The following FRMPD3 variants were observed in gnomAD, a reference collection of about 807,000 sequenced individuals.
FRMPD3 encodes FERM and PDZ domain-containing protein 3.
Under a neutral mutation model 97.9 loss-of-function variants are expected in FRMPD3, and 42 were observed. The observed-to-expected ratio is 0.43, with a 90% CI of 0.34 to 0.55. FRMPD3 has a LOEUF of 0.55. FRMPD3 is among the 20% of genes least tolerant of loss of function. The pLI is 0.03. For synonymous variants in FRMPD3, 577 were observed against 581.1 expected (o/e 0.99, Z 0.10); for missense variants, 1,303 against 1,457.7 (o/e 0.89, Z 1.73).
intron 1 of FRMPD3, among the ~76,000 whole-genome samples, chrX:107,463,772 AAT>A (rs1344521730): frequency 8.9e-6 from 1 of 112,880 alleles, no homozygotes; most frequent in Non-Finnish European, 1.9e-5. Flanking sequence ...CCTCTGTTAA[AAT>A]GCAAATATGT....
intron 2 of FRMPD3, among the ~76,000 whole-genome samples, chrX:107,528,134 C>T (rs1922775174): frequency 1.8e-5 from 2 of 111,220 alleles, no homozygotes; most frequent in African/African-American, 6.5e-5. Flanking sequence ...AGGCACGAAC[C>T]ACAAAAAGCC....
At chrX:107,563,458 A>G (rs1474296445) in intron 11 of FRMPD3, among the ~76,000 whole-genome samples, 1 of 112,413 alleles carries the variant, frequency 8.9e-6, no homozygotes, top group African/African-American at 3.2e-5. Context: ...ATAAAGGGCC[A>G]GATAGTAAAT....
chrX:107,471,943 C>G (rs1159827581), intron 1 of FRMPD3, among the ~76,000 whole-genome samples: 1 of 112,269 alleles, frequency 8.9e-6, no homozygotes, highest in Non-Finnish European at 1.9e-5. Context: ...CCTATTTCTC[C>G]ACAGCCTTGC....
At chrX:107,484,281 C>G (rs183265346) in intron 1 of FRMPD3, among the ~76,000 whole-genome samples, 78 of 112,535 alleles carry the variant, frequency 6.9e-4, no homozygotes, top group Admixed American at 4.1e-3. Context: ...AAGGGGCCTC[C>G]GGTCAGAACC....
intron 4 of FRMPD3, among the ~76,000 whole-genome samples, chrX:107,544,125 T>A (rs1303573712): frequency 1.8e-5 from 2 of 110,964 alleles, no homozygotes; most frequent in African/African-American, 3.3e-5. Context: ...TAATAATAAT[T>A]ATTATAAGCC....
intron 1 of FRMPD3, among the ~76,000 whole-genome samples, chrX:107,479,442 C>G (rs996585665): frequency 1.8e-5 from 2 of 112,314 alleles, no homozygotes; most frequent in African/African-American, 6.5e-5. Context: ...AAATGTGACT[C>G]ATTCCCTTCA....
At chrX:107,456,057 CTAT>C (rs746552425) in intron 1 of FRMPD3, among the ~76,000 whole-genome samples, 64 of 109,550 alleles carry the variant, frequency 5.8e-4, no homozygotes, top group African/African-American at 1.8e-3. Context: ...TAGTGGATGA[CTAT>C]TATTATTATT....
chrX:107,545,491 G>A, intron 4 of FRMPD3: 1 of 311,781 alleles, frequency 3.2e-6, no homozygotes, highest in Non-Finnish European at 5.6e-6. Flanking sequence ...CCTAGGCCTA[G>A]AGTATTAATA....
intron 1 of FRMPD3, among the ~76,000 whole-genome samples, chrX:107,468,917 A>T (rs911661055): frequency 3.5e-5 from 4 of 112,911 alleles, no homozygotes; most frequent in Non-Finnish European, 7.5e-5. Context: ...AGATGATCTG[A>T]CTATAAAACC....
Position 107,467,552 on chromosome X carries a change from T to A in FRMPD3, c.-8+17547T>A, listed in dbSNP as rs768710522. Reference sequence around the variant, plus strand: ...CATGGAACATCGTGTCTGGCCGATTTCCCCTAGTTTGAATGATTCTAATAC... The same window carrying A: ...CATGGAACATCGTGTCTGGCCGATTACCCCTAGTTTGAATGATTCTAATAC... On this transcript the variant is annotated intron_variant, in intron 1 of 14. Coordinates refer to ENST00000683843, the MANE Select transcript of FRMPD3 (RefSeq NM_001388459.1). Among the ~76,000 whole-genome samples, 4 of 111,837 alleles carry A rather than the reference T, an allele frequency of 3.6e-5. No homozygotes were observed. The South Asian group carries it at 1.5e-3, about 43-fold the overall frequency.
At chrX:107,560,414 T>C in intron 9 of FRMPD3, 21 bp downstream of exon 9, 16 of 1,206,979 alleles carry the variant, frequency 1.3e-5, no homozygotes, top group Non-Finnish European at 1.8e-5. Context: ...CTGCGGCCCG[T>C]TGGGATGGGG....
intron 3 of FRMPD3, among the ~76,000 whole-genome samples, chrX:107,530,811 T>C (rs1253815712): frequency 9.1e-6 from 1 of 110,319 alleles, no homozygotes; most frequent in African/African-American, 3.3e-5. Flanking sequence ...CCCCTTTGTT[T>C]TTTTCCAGCG....
intron 4 of FRMPD3, among the ~76,000 whole-genome samples, chrX:107,534,713 A>G (rs1421323223): frequency 2.7e-5 from 3 of 111,416 alleles, no homozygotes; most frequent in African/African-American, 9.8e-5. Flanking sequence ...ACTGACACAC[A>G]CACACAATAC....
intron 4 of FRMPD3, among the ~76,000 whole-genome samples, chrX:107,538,879 G>A (rs1452549425): frequency 2.7e-5 from 3 of 112,117 alleles, no homozygotes; most frequent in African/African-American, 9.7e-5. Flanking sequence ...GGCTGGTCTC[G>A]AATCCCTGAC....
chrX:107,573,164 C>T (rs187049064), intron 12 of FRMPD3, among the ~76,000 whole-genome samples: 22 of 111,526 alleles, frequency 2.0e-4, no homozygotes, highest in East Asian at 2.8e-4. Flanking sequence ...ACTGAGAAGC[C>T]GAGAGGCTCA....
At chrX:107,591,356 C>T (rs1456075184) in intron 13 of FRMPD3, among the ~76,000 whole-genome samples, 1 of 110,984 alleles carries the variant, frequency 9.0e-6, no homozygotes, top group Non-Finnish European at 1.9e-5. Flanking sequence ...GAGGTTTCAC[C>T]CTGTTGGTTG....
rs1368212550 is a variant in FRMPD3, at chrX:107,560,276, G to A, written c.782G>A (p.Arg261Gln). 3 of 1,208,772 alleles carry A rather than the reference G, an allele frequency of 2.5e-6. No homozygotes were observed. The highest frequency in any genetic ancestry group is 1.7e-5 in the African/African-American group (1 of 57,192). The change falls in exon 9 of 15, where the codon CGA becomes CAA. Residue 261 changes from arginine (R) to glutamine (Q), a missense_variant. Physicochemically the swap from Arg to Gln is conservative, Grantham distance 43 (BLOSUM62 1). Transcript: ENST00000683843. ...TCACAGAGTCGGAATGATGTTATTC[G>A]AGAACGCTTTGGAATGGATCCCAAG... ...LYIQSRNDVI[R>Q]ERFGMDPKPE...
chrX:107,476,915 C>A, intron 1 of FRMPD3, among the ~76,000 whole-genome samples: 1 of 112,293 alleles, frequency 8.9e-6, no homozygotes, highest in Non-Finnish European at 1.9e-5. Flanking sequence ...CAGCTCAGTC[C>A]CTTCCCTCAT....
At chrX:107,591,313 A>T (rs1923890134) in intron 13 of FRMPD3, among the ~76,000 whole-genome samples, 1 of 110,530 alleles carries the variant, frequency 9.0e-6, no homozygotes, top group East Asian at 2.8e-4. Context: ...ATGTGCCACC[A>T]TGCCCAGCTA....
Sources: gnomAD v4.1 joint callset for allele counts (sites outside exome capture counted in the v4.1 genomes callset) on GRCh38, gnomAD v4.1.1 for gene constraint, MANE v1.5 for transcripts, NCBI Gene and HGNC (gene_info 2026-07-23, HGNC 2026-07-21) for gene names.